The following ADGRV1 variants were observed in gnomAD, a reference collection of about 807,000 sequenced individuals.
ADGRV1 encodes the protein G-protein coupled receptor 98.
ADGRV1 carries 359 observed loss-of-function variants against 596.2 expected under a neutral mutation model. That is an observed-to-expected ratio of 0.60 (90% confidence interval 0.55 to 0.66). ADGRV1 has a LOEUF of 0.66. ADGRV1 is among the 30% of genes least tolerant of loss of function. The pLI is 0.00. For synonymous variants in ADGRV1, 2,681 were observed against 2,679.2 expected (o/e 1.00, Z -0.02); for missense variants, 7,274 against 7,575.6 (o/e 0.96, Z 1.48).
At chr5:90,905,694 C>CT (rs1772256915) in intron 83 of ADGRV1, among the ~76,000 whole-genome samples, 1 of 152,000 alleles carries the variant, frequency 6.6e-6, no homozygotes, top group Non-Finnish European at 1.5e-5. Context: ...AATTTGACTT[C>CT]TTTTTTTCCA....
chr5:91,002,171 T>C (rs1781903298), intron 85 of ADGRV1, among the ~76,000 whole-genome samples: 1 of 152,168 alleles, frequency 6.6e-6, no homozygotes, highest in Admixed American at 6.6e-5. Flanking sequence ...TGTCTGGTCT[T>C]GGGTGGGCTC....
chr5:90,848,231 A>G (rs893169064), intron 78 of ADGRV1, among the ~76,000 whole-genome samples: 1 of 152,158 alleles, frequency 6.6e-6, no homozygotes, highest in Non-Finnish European at 1.5e-5. Flanking sequence ...TTTTGCCACT[A>G]TTATAAACAA....
Position 90,705,466 on chromosome 5 carries a change from C to G in ADGRV1, c.8453C>G (p.Ala2818Gly). ...TATGCAGCTGTCCTCACAGTAGAAG[C>G]CAGTGATGAACCACATGGAGTTTTA... Reference protein sequence around the residue: ...QGYAAVLTVEASDEPHGVLNF... With the variant: ...QGYAAVLTVEGSDEPHGVLNF... Residue 2818 changes from alanine (A) to glycine (G), a missense_variant, in exon 37 of 90, where the codon GCC (alanine) becomes GGC (glycine). By Grantham distance (60) the Ala-to-Gly change is moderately conservative. This residue lies in a region of ADGRV1 where 3,643 missense variants were observed against 3,809.2 expected (regional missense o/e 0.96). Transcript: ENST00000405460. The G allele has an allele frequency of 6.2e-7, 1 of 1,613,844 alleles. No individual in the cohort carries two copies. The highest frequency in any genetic ancestry group is 8.5e-7 in the Non-Finnish European group (1 of 1,179,734).
chr5:90,920,377 G>A (rs77612668), intron 83 of ADGRV1, among the ~76,000 whole-genome samples: 2 of 152,194 alleles, frequency 1.3e-5, no homozygotes, highest in African/African-American at 4.8e-5. Flanking sequence ...ATATGAATTC[G>A]GGGAGACGCA....
chr5:90,926,125 A>T (rs1260686936), intron 83 of ADGRV1, among the ~76,000 whole-genome samples: 1 of 147,082 alleles, frequency 6.8e-6, no homozygotes, highest in East Asian at 2.0e-4. Flanking sequence ...CGGCTTTGGT[A>T]TCAGAATGAT....
At chr5:90,975,036 C>A (rs546429518) in intron 84 of ADGRV1, among the ~76,000 whole-genome samples, 1 of 152,034 alleles carries the variant, frequency 6.6e-6, no homozygotes, top group African/African-American at 2.4e-5. Context: ...ACAAAGTGGG[C>A]GAAGGATATG....
rs116543764 is a variant in ADGRV1, at chr5:90,998,269, C to T, written c.18152+12747C>T. Among the ~76,000 whole-genome samples the T allele has an allele frequency of 6.7e-3, 1,017 of 152,154 alleles. 6 individuals are homozygous for T. The highest frequency in any genetic ancestry group is 0.021 in the African/African-American group (860 of 41,494). On this transcript the variant is annotated intron_variant, in intron 85 of 89. Coordinates refer to ENST00000405460, the MANE Select transcript of ADGRV1 (RefSeq NM_032119.4). The stretch of plus-strand genomic sequence containing the variant: ...CAGTCTTCTATGAGACTGTCTTGGT[C>T]GGTGAGTGCTGCTGTACTAGAATAC...
rs1745262563 is a variant in ADGRV1, at chr5:90,683,876, C to T, written c.5955C>T (p.Asn1985=). Residue 1985 remains asparagine, a synonymous_variant, in exon 28 of 90, where the codon AAC becomes AAT. Transcript: ENST00000405460. Reference sequence around the variant, plus strand: ...GGATATTCATTTTTTCTGAGAAAAACAGACCTGTTAAAGTTGAGGAAGCAA... The same window carrying T: ...GGATATTCATTTTTTCTGAGAAAAATAGACCTGTTAAAGTTGAGGAAGCAA... ...PYGIFIFSEK[N]RPVKVEEATQ... is the part of the protein sequence containing the mutation. 2 of 1,613,216 alleles carry T rather than the reference C, an allele frequency of 1.2e-6. No individual in the cohort carries two copies. The highest frequency in any genetic ancestry group is 2.2e-5 in the East Asian group (1 of 44,856).
intron 83 of ADGRV1, among the ~76,000 whole-genome samples, chr5:90,963,425 A>G (rs1370194214): frequency 6.6e-6 from 1 of 152,100 alleles, no homozygotes; most frequent in Non-Finnish European, 1.5e-5. Flanking sequence ...ATAATCTCTA[A>G]TAATTCAAAA....
At chr5:91,132,891 T>A (rs1240292308) in intron 87 of ADGRV1, among the ~76,000 whole-genome samples, 1 of 152,178 alleles carries the variant, frequency 6.6e-6, no homozygotes, top group East Asian at 1.9e-4. Context: ...AATGATGACC[T>A]TGAAAAAGTG....
At chr5:90,802,227 G>T (rs1357165629) in intron 70 of ADGRV1, among the ~76,000 whole-genome samples, 12 of 151,890 alleles carry the variant, frequency 7.9e-5, no homozygotes, top group Admixed American at 7.9e-4. Flanking sequence ...TTTTTTGGGG[G>T]AGAAGGGGAG....
intron 21 of ADGRV1, among the ~76,000 whole-genome samples, chr5:90,665,915 T>A (rs1171086232): frequency 6.8e-4 from 102 of 149,326 alleles, no homozygotes; most frequent in African/African-American, 2.5e-3. Context: ...TCCATGTAGT[T>A]GAGCGGTTTT....
At chr5:90,816,754 T>G (rs1263136408) in intron 75 of ADGRV1, among the ~76,000 whole-genome samples, 1 of 151,872 alleles carries the variant, frequency 6.6e-6, no homozygotes. Flanking sequence ...TCATTTTTTA[T>G]GGCTGCATAG....
At chr5:91,015,513 C>G (rs1783105034) in intron 85 of ADGRV1, among the ~76,000 whole-genome samples, 1 of 151,996 alleles carries the variant, frequency 6.6e-6, no homozygotes, top group Admixed American at 6.6e-5. Flanking sequence ...GTGCGGGAGT[C>G]TATGTCTCTT....
intron 1 of ADGRV1, among the ~76,000 whole-genome samples, chr5:90,593,908 TTAAAA>T (rs1233205487): frequency 6.6e-6 from 1 of 152,108 alleles, no homozygotes; most frequent in Non-Finnish European, 1.5e-5. Flanking sequence ...TGTAATTAAA[TTAAAA>T]TAAACTTCTT....
chr5:91,097,466 C>G (rs1790973812), intron 86 of ADGRV1, among the ~76,000 whole-genome samples: 1 of 152,184 alleles, frequency 6.6e-6, no homozygotes, highest in Non-Finnish European at 1.5e-5. Flanking sequence ...TTTTATTTAT[C>G]TATTCATCTG....
rs752578096 is a variant in ADGRV1, at chr5:90,590,060, A to G, written c.23-24775A>G. On this transcript the variant is annotated intron_variant, in intron 1 of 89. Coordinates refer to ENST00000405460, the MANE Select transcript of ADGRV1 (RefSeq NM_032119.4). ...CATTTAAAATATACCTTGATATTTT[A>G]TGATATGACTTCCCTTATTATTTTA... Among the ~76,000 whole-genome samples the G allele has an allele frequency of 2.5e-4, 38 of 152,178 alleles. 2 individuals are homozygous for G. Among genetic ancestry groups the G allele is most frequent in the Non-Finnish European group, 4.9e-4 (33 of 68,032 alleles).
chr5:90,599,079 A>C (rs903195638), intron 1 of ADGRV1, among the ~76,000 whole-genome samples: 1 of 152,170 alleles, frequency 6.6e-6, no homozygotes, highest in African/African-American at 2.4e-5. Context: ...GGCCATAAAA[A>C]ACCCCCAAAG....
chr5:90,663,597 G>A (rs1770771919), intron 21 of ADGRV1, among the ~76,000 whole-genome samples: 3 of 152,110 alleles, frequency 2.0e-5, no homozygotes, highest in Admixed American at 2.0e-4. Flanking sequence ...CTTTTGCTGT[G>A]CAGAAGCTCT....
Sources: allele counts gnomAD v4.1 joint callset (sites outside exome capture counted in the v4.1 genomes callset), GRCh38; gene constraint gnomAD v4.1.1; regional missense constraint gnomAD v4.1.1; transcripts MANE v1.5; gene names NCBI Gene and HGNC (gene_info 2026-07-23, HGNC 2026-07-21).